Variants in CAMTA1 observed in about 807,000 individuals in gnomAD.
The protein encoded by CAMTA1 is calmodulin binding transcription activator 1.
CAMTA1 carries 27 observed loss-of-function variants against 170.9 expected under a neutral mutation model. That is an observed-to-expected ratio of 0.16 (90% CI 0.12 to 0.22). CAMTA1 has a LOEUF of 0.22. CAMTA1 is among the 10% of genes least tolerant of loss of function. The pLI, the probability that CAMTA1 is intolerant of heterozygous loss-of-function variation, is 1.00. For synonymous variants in CAMTA1, 833 were observed against 891.5 expected, an observed-to-expected ratio of 0.93 and a Z score of 1.17; for missense variants, 1,619 against 2,217.2, an observed-to-expected ratio of 0.73 and a Z score of 5.42.
intron 3 of CAMTA1, among the ~76,000 whole-genome samples, chr1:6,836,715 C>T (rs1653315220): frequency 6.6e-6 from 1 of 152,142 alleles, no homozygotes; most frequent in Admixed American, 6.5e-5. Flanking sequence ...TTTATTGTGA[C>T]TCCAAAGGAG....
At chr1:7,281,799 TTGTGTGTGTGTGTGTGTGTGTGTGTGTG>T (rs57489369) in intron 5 of CAMTA1, among the ~76,000 whole-genome samples, 1 of 139,218 alleles carries the variant, frequency 7.2e-6, no homozygotes, top group African/African-American at 2.7e-5. Context: ...GGGAAAGAAA[TTGTGTGTGTGTGTGTGTGTGTGTGTGTG>T]TGTGTGTGTG....
At chr1:7,185,993 G>T (rs1001688686) in intron 4 of CAMTA1, among the ~76,000 whole-genome samples, 2 of 152,174 alleles carry the variant, frequency 1.3e-5, no homozygotes. Context: ...AAATTTGAAG[G>T]TCTGTGGATT....
intron 3 of CAMTA1, among the ~76,000 whole-genome samples, chr1:6,975,836 C>T (rs1205598307): frequency 6.6e-6 from 1 of 152,208 alleles, no homozygotes; most frequent in African/African-American, 2.4e-5. Flanking sequence ...CCCTTGGCAA[C>T]CACCAATCTG....
intron 5 of CAMTA1, among the ~76,000 whole-genome samples, chr1:7,387,222 C>G (rs1038767988): frequency 2.0e-5 from 3 of 152,064 alleles, no homozygotes; most frequent in African/African-American, 7.2e-5. Flanking sequence ...TCTCATTGAA[C>G]AGGCTTGGAC....
rs1691383904 is a variant in CAMTA1, at chr1:6,965,590, A to G, written c.235-125714A>G. On this transcript the variant is annotated intron_variant, in intron 3 of 22. Coordinates refer to ENST00000303635, the MANE Select transcript of CAMTA1 (RefSeq NM_015215.4). This position sits in a 1 kb window ranked among gnomAD's most constrained non-coding sequence, Gnocchi z 4.1. Reference sequence around the variant, plus strand: ...GGTGATTGTGTGCCCTGGTTTCTCTAAAGGAAAAAAAATGGACGTGCCGCC... The same window carrying G: ...GGTGATTGTGTGCCCTGGTTTCTCTGAAGGAAAAAAAATGGACGTGCCGCC... 1.3e-5 allele frequency among the ~76,000 whole-genome samples: 2 copies of G among 152,052 alleles called. No individual in the cohort carries two copies. Among genetic ancestry groups the G allele is most frequent in the Admixed American group, 1.3e-4 (2 of 15,262 alleles).
chr1:7,369,136 G>A (rs1189194246), intron 5 of CAMTA1: 3 of 152,334 alleles, frequency 2.0e-5, no homozygotes, highest in Non-Finnish European at 4.4e-5. Flanking sequence ...TGTCCTCAGT[G>A]AGGATGGTCT....
intron 5 of CAMTA1, among the ~76,000 whole-genome samples, chr1:7,417,375 G>T (rs535428897): frequency 6.6e-6 from 1 of 152,132 alleles, no homozygotes. Context: ...GCCCCCAGAG[G>T]TGGAGTCTAC....
intron 6 of CAMTA1, among the ~76,000 whole-genome samples, chr1:7,510,010 C>T (rs1288214525): frequency 7.5e-6 from 1 of 133,538 alleles, no homozygotes; most frequent in Admixed American, 7.2e-5. Context: ...AACAAACAAA[C>T]AACAAAAAAA....
chr1:7,722,426 G>A (rs1358292434), intron 11 of CAMTA1, among the ~76,000 whole-genome samples: 1 of 152,046 alleles, frequency 6.6e-6, no homozygotes, highest in African/African-American at 2.4e-5. Flanking sequence ...CCCAGCAAAA[G>A]AAAAGGGAAT....
intron 5 of CAMTA1, among the ~76,000 whole-genome samples, chr1:7,425,998 G>A (rs1409314478): frequency 6.6e-6 from 1 of 152,104 alleles, no homozygotes; most frequent in Non-Finnish European, 1.5e-5. Context: ...GAGAAAAGAG[G>A]CTGCAGTGAC....
rs185918500 is a variant in CAMTA1, at chr1:7,609,486, C to T, written c.511-30914C>T. Among the ~76,000 whole-genome samples, 21 of 151,894 alleles carry T rather than the reference C, an allele frequency of 1.4e-4. No homozygotes were observed. The highest frequency in any genetic ancestry group is 4.6e-4 in the Admixed American group (7 of 15,302). On this transcript the variant is annotated intron_variant, in intron 6 of 22. Transcript: ENST00000303635. The surrounding 1 kb of genome is among the most constrained non-coding windows in gnomAD (Gnocchi z 4.4). Reference sequence around the variant, plus strand: ...AGCAGAGCAGCAGCCAGAAGGCAAGCCCTGGCCCCAGCCTCCAGGCCCCCA... The same window carrying T: ...AGCAGAGCAGCAGCCAGAAGGCAAGTCCTGGCCCCAGCCTCCAGGCCCCCA...
intron 3 of CAMTA1, among the ~76,000 whole-genome samples, chr1:6,926,044 C>T (rs1683015754): frequency 6.6e-6 from 1 of 152,244 alleles, no homozygotes; most frequent in Non-Finnish European, 1.5e-5. Flanking sequence ...AACTCTGTCC[C>T]AGGCGCTGTT....
chr1:6,993,448 A>AT (rs920366067), intron 3 of CAMTA1, among the ~76,000 whole-genome samples: 14 of 149,224 alleles, frequency 9.4e-5, no homozygotes, highest in South Asian at 6.4e-4. Flanking sequence ...GCATTTTATG[A>AT]TTTTTTTTTT....
Position 7,270,222 on chromosome 1 carries a change from CATAT to C in CAMTA1, c.438+20602_438+20605del, listed in dbSNP as rs945850518. Among the ~76,000 whole-genome samples the C allele has an allele frequency of 9.6e-3, 1,012 of 104,970 alleles. 12 individuals carry two copies. The highest frequency in any genetic ancestry group is 0.034 in the African/African-American group (934 of 27,210). 68.9% of individuals were successfully genotyped at this position (104,970 alleles called of 152,430 possible). A position where few individuals can be genotyped will look rare whatever the true frequency, so the allele number is the denominator to read the frequency against. On this transcript the variant is annotated intron_variant, in intron 5 of 22. Transcript: ENST00000303635. Reference sequence around the variant, plus strand: ...ATATACACATATATATACATATATACATATATATACACATATATACATACACACA... The same window carrying C: ...ATATACACATATATATACATATATACATATACACATATATACATACACACA...
intron 5 of CAMTA1, among the ~76,000 whole-genome samples, chr1:7,269,239 T>C (rs1224389865): frequency 6.6e-6 from 1 of 152,238 alleles, no homozygotes; most frequent in African/African-American, 2.4e-5. Flanking sequence ...TTGATTGTTT[T>C]ACAAAATCAG....
chr1:6,869,155 A>G (rs1177790139), intron 3 of CAMTA1, among the ~76,000 whole-genome samples: 5 of 152,182 alleles, frequency 3.3e-5, no homozygotes, highest in Non-Finnish European at 7.4e-5. Context: ...TCATGAGCTG[A>G]CTGTGCCTTA....
chr1:7,241,849 A>G (rs1489500389), intron 4 of CAMTA1, among the ~76,000 whole-genome samples: 1 of 152,242 alleles, frequency 6.6e-6, no homozygotes, highest in Non-Finnish European at 1.5e-5. Flanking sequence ...TATAAAAGAT[A>G]TAGAAGAAGA....
At chr1:7,558,976 G>A (rs772820035) in intron 6 of CAMTA1, among the ~76,000 whole-genome samples, 5 of 152,174 alleles carry the variant, frequency 3.3e-5, no homozygotes, top group East Asian at 1.9e-4. Flanking sequence ...TCGGACCCCC[G>A]TCCCCCCTGC....
intron 11 of CAMTA1, among the ~76,000 whole-genome samples, chr1:7,683,138 G>A (rs193105671): frequency 1.0e-4 from 15 of 145,414 alleles, no homozygotes; most frequent in African/African-American, 3.8e-4. Context: ...TTGTGCCACT[G>A]CACTCCAGCC....
Sources: allele counts gnomAD v4.1 joint callset (sites outside exome capture counted in the v4.1 genomes callset), GRCh38; gene constraint gnomAD v4.1.1; non-coding constraint Gnocchi (gnomAD v3.1); transcripts MANE v1.5; gene names NCBI Gene and HGNC (gene_info 2026-07-23, HGNC 2026-07-21).